EFR3A: variants seen among roughly 807,000 people sequenced by gnomAD.
EFR3A encodes EFR3 homolog A.
In EFR3A, 76 loss-of-function variants were observed where a neutral mutation model predicts 104.4. That is an observed-to-expected ratio of 0.73 (90% CI 0.60 to 0.88). The LOEUF (loss-of-function observed/expected upper bound fraction) is 0.88. Among genes scored for constraint, EFR3A ranks in the 40% least tolerant of loss-of-function variants. The pLI, the probability that EFR3A is intolerant of heterozygous loss-of-function variation, is 0.00. For synonymous variants in EFR3A, 330 were observed against 330.0 expected (o/e 1.00, Z 0.00); for missense variants, 985 against 1,012.5 (o/e 0.97, Z 0.37).
intron 8 of EFR3A, among the ~76,000 whole-genome samples, chr8:131,963,745 A>T (rs1265212385): frequency 6.6e-6 from 1 of 152,194 alleles, no homozygotes; most frequent in East Asian, 1.9e-4. Flanking sequence ...TCCTGATACC[A>T]AAGCCTGGCA....
chr8:131,940,219 G>T, intron 1 of EFR3A: 1 of 361,496 alleles, frequency 2.8e-6, no homozygotes, highest in Non-Finnish European at 5.1e-6. Context: ...TCAGAAAGGA[G>T]GTAAAGGGGG....
At chr8:131,948,701 A>T (rs1384008155) in intron 4 of EFR3A, among the ~76,000 whole-genome samples, 4 of 152,250 alleles carry the variant, frequency 2.6e-5, no homozygotes, top group Admixed American at 2.6e-4. Context: ...TTAGTGAGTC[A>T]TTTGGGCAAA....
At chr8:131,954,379 A>G (rs992318062) in intron 6 of EFR3A, among the ~76,000 whole-genome samples, 1 of 152,014 alleles carries the variant, frequency 6.6e-6, no homozygotes, top group Non-Finnish European at 1.5e-5. Flanking sequence ...TGATAATGAT[A>G]ATAATAGCTA....
intron 8 of EFR3A, among the ~76,000 whole-genome samples, chr8:131,961,888 GA>G (rs1819362555): frequency 6.6e-6 from 1 of 152,230 alleles, no homozygotes; most frequent in African/African-American, 2.4e-5. Flanking sequence ...AGCCAGAAGA[GA>G]GTGGGGGCCA....
rs1249370441 is a variant in EFR3A, at chr8:131,953,905, G to C, written c.576G>C (p.Gln192His). 2 of 1,575,060 alleles carry C rather than the reference G, an allele frequency of 1.3e-6. No homozygotes were observed. The highest frequency in any genetic ancestry group is 3.3e-4 in the Middle Eastern group (2 of 6,006). Reference sequence around the variant, plus strand: ...TTCGGGCCACCATTTGGGAACCTCAGCATATGGATAAGATTGTTCCATCCC... The same window carrying C: ...TTCGGGCCACCATTTGGGAACCTCACCATATGGATAAGATTGTTCCATCCC... ...DELRATIWEP[Q>H]HMDKIVPSLL... Residue 192 changes from glutamine to histidine, a missense_variant, in exon 6 of 23, where the codon CAG becomes CAC. Physicochemically the swap from Gln to His is conservative, Grantham distance 24. Coordinates refer to ENST00000254624, the MANE Select transcript of EFR3A (RefSeq NM_015137.6).
At chr8:131,975,616 A>G (rs184139381) in intron 10 of EFR3A, among the ~76,000 whole-genome samples, 2 of 151,966 alleles carry the variant, frequency 1.3e-5, no homozygotes, top group African/African-American at 2.4e-5. Flanking sequence ...AGGTTTCACC[A>G]TGTTGGTCCG....
intron 14 of EFR3A, among the ~76,000 whole-genome samples, chr8:131,983,244 T>C (rs534310314): frequency 6.6e-6 from 1 of 152,298 alleles, no homozygotes; most frequent in African/African-American, 2.4e-5. Context: ...CTGCCTATTA[T>C]AACCACATGG....
At chr8:131,907,764 T>C (rs1211677866) in intron 1 of EFR3A, among the ~76,000 whole-genome samples, 1 of 152,104 alleles carries the variant, frequency 6.6e-6, no homozygotes. Context: ...ATTCTCATTC[T>C]TTCTCTCCCC....
chr8:131,971,175 A>T (rs1049908938), intron 10 of EFR3A, among the ~76,000 whole-genome samples: 1 of 152,166 alleles, frequency 6.6e-6, no homozygotes, highest in Non-Finnish European at 1.5e-5. Flanking sequence ...TCAGCCTTTC[A>T]TATTTCAGTT....
intron 2 of EFR3A, among the ~76,000 whole-genome samples, chr8:131,944,435 A>T (rs1382612188): frequency 2.0e-5 from 3 of 152,120 alleles, no homozygotes; most frequent in Non-Finnish European, 4.4e-5. Context: ...ATTTTGTTTG[A>T]AATCTTTTTA....
intron 1 of EFR3A, among the ~76,000 whole-genome samples, chr8:131,907,661 T>C (rs562506256): frequency 6.6e-6 from 1 of 152,370 alleles, no homozygotes; most frequent in Non-Finnish European, 1.5e-5. Flanking sequence ...AGAGGGTTGC[T>C]GATTGAAGTG....
chr8:131,978,158 A>G (rs1234633482), intron 12 of EFR3A, among the ~76,000 whole-genome samples: 1 of 152,154 alleles, frequency 6.6e-6, no homozygotes, highest in African/African-American at 2.4e-5. Context: ...CCCACCTGCA[A>G]TTTAATTTGA....
intron 1 of EFR3A, among the ~76,000 whole-genome samples, chr8:131,929,347 A>G (rs1817466744): frequency 6.6e-6 from 1 of 152,110 alleles, no homozygotes. Context: ...GCAGAACTTT[A>G]TGCTTACTTT....
chr8:131,944,848 G>A lies in EFR3A; in HGVS notation c.191G>A (p.Arg64Lys). ...IGSYLAERLS[R>K]DVVRHRSGYV... ...TCTTACCTGGCAGAAAGGTTGAGCA[G>A]GGATGTTGTCAGACATCGTTCTGGG... Residue 64 changes from arginine (R) to lysine (K), a missense_variant, in exon 3 of 23, where the codon AGG (arginine) becomes AAG (lysine). By Grantham distance (26) the Arg-to-Lys change is conservative. Coordinates refer to ENST00000254624, the MANE Select transcript of EFR3A (RefSeq NM_015137.6). 1 of 1,610,880 alleles carries A rather than the reference G, an allele frequency of 6.2e-7. No individual in the cohort carries two copies. The highest frequency in any genetic ancestry group is 8.5e-7 in the Non-Finnish European group (1 of 1,178,374).
intron 14 of EFR3A, among the ~76,000 whole-genome samples, chr8:131,983,112 C>T (rs946866499): frequency 1.3e-5 from 2 of 152,150 alleles, no homozygotes; most frequent in African/African-American, 4.8e-5. Context: ...TCAGAAGAGT[C>T]TGTGCTGTTC....
At chr8:131,937,785 T>C (rs1168758928) in intron 1 of EFR3A, among the ~76,000 whole-genome samples, 1 of 151,546 alleles carries the variant, frequency 6.6e-6, no homozygotes, top group Non-Finnish European at 1.5e-5. Flanking sequence ...CCCTCTTTTT[T>C]TTTTTTTTTT....
At chr8:131,973,811 AAATAC>A (rs970655362) in intron 10 of EFR3A, among the ~76,000 whole-genome samples, 1 of 152,158 alleles carries the variant, frequency 6.6e-6, no homozygotes, top group African/African-American at 2.4e-5. Flanking sequence ...TCACTAGTTC[AAATAC>A]AAACAGTAGG....
intron 14 of EFR3A, 38 bp from the exon 15 acceptor site, chr8:131,984,101 A>T: frequency 6.5e-7 from 1 of 1,548,394 alleles, no homozygotes; most frequent in Admixed American, 2.0e-5. Flanking sequence ...TCTACATTTT[A>T]AGCAAAATTA....
intron 1 of EFR3A, among the ~76,000 whole-genome samples, chr8:131,918,447 G>A (rs4736521): frequency 0.4 from 61,540 of 152,078 alleles, 12,991 homozygotes; most frequent in Middle Eastern, 0.55. Context: ...ATTGAACTTT[G>A]AATGCTTAAA....
Sources: gnomAD v4.1 joint callset for allele counts (sites outside exome capture counted in the v4.1 genomes callset) on GRCh38, gnomAD v4.1.1 for gene constraint, MANE v1.5 for transcripts, NCBI Gene and HGNC (gene_info 2026-07-23, HGNC 2026-07-21) for gene names.